Variants in ERO1A observed in about 807,000 individuals in gnomAD.
ERO1A encodes endoplasmic reticulum oxidoreductase 1 alpha.
In ERO1A, 49 loss-of-function variants were observed where a neutral mutation model predicts 76.9. The observed-to-expected ratio is 0.64, with a 90% CI of 0.51 to 0.81. The LOEUF (loss-of-function observed/expected upper bound fraction) is 0.81, where lower values mean the gene tolerates loss of function less well. ERO1A is among the 30% of genes least tolerant of loss of function. ERO1A has a pLI of 0.00. For missense variants in ERO1A, 448 were observed against 542.1 expected (o/e 0.83, Z 1.72); for synonymous variants, 174 against 181.2 (o/e 0.96, Z 0.32).
intron 1 of ERO1A, 36 bp downstream of exon 1, chr14:52,695,332 G>A (rs1276359507): frequency 1.5e-6 from 2 of 1,331,682 alleles, no homozygotes; most frequent in Admixed American, 3.1e-5. Context: ...CGCGGAGGGC[G>A]CCGGGACCCT....
intron 1 of ERO1A, among the ~76,000 whole-genome samples, chr14:52,687,302 C>T (rs777169377): frequency 1.1e-4 from 16 of 152,170 alleles, no homozygotes; most frequent in African/African-American, 2.6e-4. Context: ...TGGTGGCATA[C>T]GCCTGCAGTC....
chr14:52,683,798 C>A lies in ERO1A; in HGVS notation c.224G>T (p.Arg75Met). The change falls in exon 2 of 16, where the codon AGG (arginine) becomes ATG (methionine). Residue 75 changes from arginine to methionine, a missense_variant. This residue lies in a region of ERO1A where 146 missense variants were observed against 130.2 expected (regional missense o/e 1.12). Transcript: ENST00000395686. ...TAAAATTAAAAATACCTTGTAATAC[C>A]TAAAGTAGTCACTTTCAAGAAGTTT... ...LQKLLESDYF[R>M]YYKVNLKRPC... The A allele has an allele frequency of 6.9e-7, 1 of 1,450,162 alleles. No homozygotes were observed. The highest frequency in any genetic ancestry group is 1.3e-5 in the South Asian group (1 of 75,638). The allele number at this position is 1,450,162 out of a possible 1,614,324, so 89.8% of individuals were successfully genotyped here. A position where few individuals can be genotyped will look rare whatever the true frequency, so the allele number is the denominator to read the frequency against.
intron 1 of ERO1A, among the ~76,000 whole-genome samples, chr14:52,692,915 C>G (rs2041402627): frequency 6.6e-6 from 1 of 151,522 alleles, no homozygotes; most frequent in Non-Finnish European, 1.5e-5. Flanking sequence ...CTCCTCCCTT[C>G]TCCCCCGATC....
intron 14 of ERO1A, 38 bp downstream of exon 14, chr14:52,646,337 A>C: frequency 3.8e-6 from 6 of 1,599,040 alleles, no homozygotes; most frequent in South Asian, 1.1e-5. Context: ...ATTCATGCAA[A>C]GGGTAAATGA....
intron 7 of ERO1A, among the ~76,000 whole-genome samples, chr14:52,664,700 CT>C (rs1180129068): frequency 6.6e-6 from 1 of 151,042 alleles, no homozygotes. Flanking sequence ...CAGAGTCATT[CT>C]TTTTTTTTGA....
At chr14:52,658,424 G>C (rs1012576150) in intron 9 of ERO1A, 2 of 296,896 alleles carry the variant, frequency 6.7e-6, no homozygotes, top group African/African-American at 4.4e-5. Flanking sequence ...TTTTACAGGA[G>C]GTCAAAATAC....
At chr14:52,694,929 C>G (rs993245416) in intron 1 of ERO1A, among the ~76,000 whole-genome samples, 1 of 152,170 alleles carries the variant, frequency 6.6e-6, no homozygotes, top group Non-Finnish European at 1.5e-5. Flanking sequence ...TGAGATCAGC[C>G]CACAAACGTC....
intron 3 of ERO1A, 127 bp from the exon 4 acceptor site, chr14:52,678,599 T>A: frequency 1.4e-6 from 1 of 729,004 alleles, no homozygotes; most frequent in Non-Finnish European, 2.3e-6. Context: ...TTTAACAGAA[T>A]AGGTAGTATT....
At position 52,682,395 on chromosome 14, in the gene ERO1A, C is replaced by T; in HGVS notation, c.248G>A (p.Arg83Lys). 6.2e-7 allele frequency: 1 copy of T among 1,609,084 alleles called. No individual in the cohort carries two copies. The change falls in exon 3 of 16, where the codon AGG (arginine) becomes AAG (lysine). Residue 83 changes from arginine to lysine, a missense_variant. Physicochemically the swap from Arg to Lys is conservative, Grantham distance 26. Coordinates refer to ENST00000395686, the MANE Select transcript of ERO1A (RefSeq NM_014584.3). ...YFRYYKVNLK[R>K]PCPFWNDISQ... ...GATGTCATTCCAGAAAGGACACGGC[C>T]TCTTCAGGTTTACCTGTAAAATAAT...
chr14:52,659,279 C>T (rs1045977261), intron 9 of ERO1A, among the ~76,000 whole-genome samples: 2 of 151,946 alleles, frequency 1.3e-5, no homozygotes, highest in East Asian at 1.9e-4. Context: ...TTTGGTCTTA[C>T]GGGCAATAAA....
chr14:52,655,654 A>ATT lies in ERO1A; in HGVS notation c.808+2261_808+2262dup, dbSNP rs567780301. ...GAATTTCTCACTCTTATTTTATGTGATTTTTTTTTTTAGTGGGTGAAGGTG... is the reference window on the plus strand; with the variant it reads ...GAATTTCTCACTCTTATTTTATGTGATTTTTTTTTTTTTAGTGGGTGAAGGTG... On this transcript the variant is annotated intron_variant, in intron 11 of 15. Transcript: ENST00000395686. Among the ~76,000 whole-genome samples, 633 of 147,008 alleles carry ATT rather than the reference A, an allele frequency of 4.3e-3. 10 individuals are homozygous for ATT. Among genetic ancestry groups the ATT allele is most frequent in the Admixed American group, 0.036 (522 of 14,686 alleles).
chr14:52,646,228 C>A lies in ERO1A; in HGVS notation c.1272G>T (p.Met424Ile). 1 of 1,613,820 alleles carries A rather than the reference C, an allele frequency of 6.2e-7. No individual in the cohort carries two copies. The highest frequency in any genetic ancestry group is 8.5e-7 in the Non-Finnish European group (1 of 1,179,868). ...ILFSEKLIAN[M>I]PESGPSYEFH... Reference sequence around the variant, plus strand: ...ATTCATAACTAGGTCCACTTTCTGGCATATTTGCTATCAATTTCTCAGAAA... The same window carrying A: ...ATTCATAACTAGGTCCACTTTCTGGAATATTTGCTATCAATTTCTCAGAAA... Residue 424 changes from methionine to isoleucine, a missense_variant, in exon 15 of 16, where the codon ATG (methionine) becomes ATT (isoleucine). By Grantham distance (10) the Met-to-Ile change is conservative. This residue lies in a region of ERO1A where 302 missense variants were observed against 411.9 expected (regional missense o/e 0.73). Transcript: ENST00000395686.
At chr14:52,685,057 A>C (rs186719710) in intron 1 of ERO1A, among the ~76,000 whole-genome samples, 77 of 152,248 alleles carry the variant, frequency 5.1e-4, no homozygotes, top group African/African-American at 1.8e-3. Context: ...TATAGCCTAG[A>C]AATAAATAAT....
intron 3 of ERO1A, among the ~76,000 whole-genome samples, chr14:52,679,440 G>C (rs2040914211): frequency 6.6e-6 from 1 of 150,434 alleles, no homozygotes; most frequent in Non-Finnish European, 1.5e-5. Flanking sequence ...TTCAGATAGG[G>C]TCTCACTCTG....
intron 4 of ERO1A, among the ~76,000 whole-genome samples, chr14:52,674,556 A>G (rs1350949847): frequency 6.6e-6 from 1 of 152,238 alleles, no homozygotes; most frequent in Non-Finnish European, 1.5e-5. Flanking sequence ...TGATAATGAC[A>G]CCATTTAACT....
chr14:52,662,285 A>T (rs1427651765), intron 8 of ERO1A, among the ~76,000 whole-genome samples: 4 of 152,114 alleles, frequency 2.6e-5, no homozygotes, highest in Non-Finnish European at 4.4e-5. Context: ...TTTGCATTTC[A>T]TCTGATATTA....
chr14:52,646,370 C>T lies in ERO1A; in HGVS notation c.1212+5G>A. ...TGAGAAATAGGAATGACTAAATTTG[C>T]TTACCTGAAGCTTTCCCCACAGACG... On this transcript the variant is annotated splice_donor_5th_base_variant and intron_variant, in intron 14 of 15. Coordinates refer to ENST00000395686, the MANE Select transcript of ERO1A (RefSeq NM_014584.3). 2 of 1,608,720 alleles carry T rather than the reference C, an allele frequency of 1.2e-6. No individual in the cohort carries two copies. Among genetic ancestry groups the T allele is most frequent in the Non-Finnish European group, 1.7e-6 (2 of 1,178,364 alleles).
At chr14:52,668,778 ATAATT>A (rs1312953986) in intron 6 of ERO1A, among the ~76,000 whole-genome samples, 1 of 146,526 alleles carries the variant, frequency 6.8e-6, no homozygotes, top group Non-Finnish European at 1.5e-5. Flanking sequence ...TAATTATACT[ATAATT>A]ATAATTATAA....
intron 4 of ERO1A, among the ~76,000 whole-genome samples, chr14:52,673,625 G>A (rs766325305): frequency 3.3e-5 from 5 of 152,176 alleles, no homozygotes; most frequent in Non-Finnish European, 7.3e-5. Flanking sequence ...AGACAGCAAA[G>A]TAAGTACTAT....
Sources: allele counts gnomAD v4.1 joint callset (sites outside exome capture counted in the v4.1 genomes callset), GRCh38; gene constraint gnomAD v4.1.1; regional missense constraint gnomAD v4.1.1; transcripts MANE v1.5; gene names NCBI Gene and HGNC (gene_info 2026-07-23, HGNC 2026-07-21).